KLHDC4: variants seen among roughly 807,000 people sequenced by gnomAD.
The protein encoded by KLHDC4 is kelch domain containing 4.
Under a neutral mutation model 62.4 loss-of-function variants are expected in KLHDC4, and 90 were observed. The observed-to-expected ratio is 1.44, with a 90% CI of 1.22 to 1.72. The LOEUF (loss-of-function observed/expected upper bound fraction) is 1.72, where lower values mean the gene tolerates loss of function less well. Ranked by LOEUF, KLHDC4 falls within the 40% of genes most tolerant of loss-of-function variation. The pLI is 0.00. For missense variants in KLHDC4, 1,025 were observed against 699.7 expected (o/e 1.47, Z -5.25); for synonymous variants, 386 against 284.4 (o/e 1.36, Z -3.59).
chr16:87,733,418 G>A (rs2040745735), intron 5 of KLHDC4, among the ~76,000 whole-genome samples: 1 of 152,226 alleles, frequency 6.6e-6, no homozygotes, highest in Admixed American at 6.5e-5. Context: ...CACAGAGGAG[G>A]CGGGGCACAC....
At chr16:87,744,050 G>C (rs1054740389) in intron 5 of KLHDC4, among the ~76,000 whole-genome samples, 3 of 152,030 alleles carry the variant, frequency 2.0e-5, no homozygotes, top group Non-Finnish European at 4.4e-5. Flanking sequence ...AGGCCGAGGG[G>C]GGCAGATCAC....
chr16:87,727,778 C>T (rs1312560211), intron 6 of KLHDC4, among the ~76,000 whole-genome samples: 4 of 152,318 alleles, frequency 2.6e-5, no homozygotes, highest in Admixed American at 1.3e-4. Flanking sequence ...CATGGAAGAG[C>T]AAGCAGCTCT....
At chr16:87,704,463 T>G (rs563815277), downstream of KLHDC4, among the ~76,000 whole-genome samples, 1 of 62,696 alleles carries the variant, frequency 1.6e-5, no homozygotes, top group East Asian at 4.7e-4. Context: ...GTCCTGAACA[T>G]GACAGGGAAG....
Position 87,755,194 on chromosome 16 carries a change from C to G in KLHDC4, c.369G>C (p.Gln123His). The change falls in exon 4 of 12, where the codon CAG becomes CAC. Residue 123 changes from glutamine to histidine, a missense_variant and splice_region_variant. Coordinates refer to ENST00000270583, the MANE Select transcript of KLHDC4 (RefSeq NM_017566.4). ...PSPPPRRCAH[Q>H]AVVVPQGGGQ... The stretch of plus-strand genomic sequence containing the variant: ...GGCTGAGAGTCAGTGCTGACATTAC[C>G]TGGTGAGCACAGCGCCTCGGAGGTG... The G allele has an allele frequency of 2.5e-6, 4 of 1,602,024 alleles. No homozygotes were observed. In the South Asian group the frequency reaches 4.4e-5, roughly 18 times the overall value.
chr16:87,747,492 A>G (rs983520902), intron 5 of KLHDC4: 5 of 152,220 alleles, frequency 3.3e-5, no homozygotes, highest in African/African-American at 1.2e-4. Context: ...TGCGCCTACT[A>G]AAATTACGAA....
At chr16:87,725,714 A>G (rs8062779) in intron 7 of KLHDC4, among the ~76,000 whole-genome samples, 25,704 of 152,056 alleles carry the variant, frequency 0.17, 2,157 homozygotes, top group South Asian at 0.22. Context: ...CGCCTCTGTG[A>G]AGCACACGCC....
Position 87,708,459 on chromosome 16 carries a change from C to T in KLHDC4, c.1455G>A (p.Gln485=), listed in dbSNP as rs138403162. ...KALVEMDPET[Q]EWLEETDSEE... ...CCGAGTCCGTCTCCTCCAGCCACTC[C>T]TGAGTTTCTTCAAAAGCAGAATGAA... Residue 485 remains glutamine, a synonymous_variant, in exon 11 of 12, where the codon CAG becomes CAA. Coordinates refer to ENST00000270583, the MANE Select transcript of KLHDC4 (RefSeq NM_017566.4). 209 of 1,602,280 alleles carry T rather than the reference C, an allele frequency of 1.3e-4. 1 individual carries two copies. The highest frequency in any genetic ancestry group is 5.0e-4 in the Middle Eastern group (3 of 6,028).
downstream of KLHDC4, among the ~76,000 whole-genome samples, chr16:87,705,906 C>G (rs1251958746): frequency 6.6e-6 from 1 of 152,242 alleles, no homozygotes; most frequent in Non-Finnish European, 1.5e-5. Flanking sequence ...TTGCCCAGCA[C>G]TCAGACAAAG....
chr16:87,745,196 A>G (rs1159818960), intron 5 of KLHDC4, among the ~76,000 whole-genome samples: 2 of 152,170 alleles, frequency 1.3e-5, no homozygotes, highest in East Asian at 3.9e-4. Context: ...CTCCACCCTC[A>G]CCCTACACCC....
intron 7 of KLHDC4, among the ~76,000 whole-genome samples, chr16:87,719,056 C>A (rs985966360): frequency 4.7e-5 from 7 of 150,002 alleles, no homozygotes; most frequent in Non-Finnish European, 1.5e-5. Flanking sequence ...AGGTGGGGGG[C>A]AGCCCCCGCC....
chr16:87,755,452 T>C (rs2143300174), intron 3 of KLHDC4, 160 bp from the exon 4 acceptor site: 3 of 481,528 alleles, frequency 6.2e-6, no homozygotes, highest in East Asian at 3.9e-5. Flanking sequence ...CCGGGGCCAT[T>C]GGGGATGACG....
At chr16:87,734,607 C>G (rs552348313) in intron 5 of KLHDC4, among the ~76,000 whole-genome samples, 2 of 152,212 alleles carry the variant, frequency 1.3e-5, no homozygotes, top group African/African-American at 4.8e-5. Context: ...CCACACCCCT[C>G]CATGGAATGT....
intron 4 of KLHDC4, among the ~76,000 whole-genome samples, chr16:87,749,643 G>A (rs1326271473): frequency 6.6e-6 from 1 of 152,058 alleles, no homozygotes; most frequent in East Asian, 1.9e-4. Context: ...GAGTGCGGTG[G>A]CGCCATCATC....
chr16:87,757,070 C>T (rs907275209), intron 2 of KLHDC4, among the ~76,000 whole-genome samples: 1 of 152,056 alleles, frequency 6.6e-6, no homozygotes, highest in Non-Finnish European at 1.5e-5. Context: ...CCACCTCGGC[C>T]TCCCACAGTG....
chr16:87,717,621 T>C (rs151241236), intron 7 of KLHDC4, among the ~76,000 whole-genome samples: 152 of 152,352 alleles, frequency 1.0e-3, no homozygotes, highest in African/African-American at 3.2e-3. Context: ...TGATTGAGAC[T>C]AGTCTCTTTT....
chr16:87,740,176 G>A (rs1241647430), intron 5 of KLHDC4, among the ~76,000 whole-genome samples: 3 of 152,188 alleles, frequency 2.0e-5, no homozygotes, highest in Non-Finnish European at 4.4e-5. Context: ...GTGATGTGTG[G>A]CAGGCAGACC....
At chr16:87,747,374 C>G (rs2043194419) in intron 5 of KLHDC4, among the ~76,000 whole-genome samples, 1 of 152,132 alleles carries the variant, frequency 6.6e-6, no homozygotes, top group African/African-American at 2.4e-5. Flanking sequence ...CAAGCGGGCT[C>G]CAAAAGGAAT....
At chr16:87,719,353 A>C (rs1333281031) in intron 7 of KLHDC4, among the ~76,000 whole-genome samples, 1 of 152,196 alleles carries the variant, frequency 6.6e-6, no homozygotes, top group Non-Finnish European at 1.5e-5. Context: ...GGATGCTGTT[A>C]ATCTATAACC....
At chr16:87,707,215 G>A (rs998105628), downstream of KLHDC4, among the ~76,000 whole-genome samples, 28 of 152,334 alleles carry the variant, frequency 1.8e-4, no homozygotes, top group Admixed American at 8.5e-4. Flanking sequence ...CACAGCCTTC[G>A]GGGGCAAGGA....
Sources: gnomAD v4.1 joint callset for allele counts (sites outside exome capture counted in the v4.1 genomes callset) on GRCh38, gnomAD v4.1.1 for gene constraint, MANE v1.5 for transcripts, NCBI Gene and HGNC (gene_info 2026-07-23, HGNC 2026-07-21) for gene names.